The following RPS6KA2 variants were observed in gnomAD, a reference collection of about 807,000 sequenced individuals.
RPS6KA2 encodes the protein ribosomal protein S6 kinase alpha-2.
A neutral mutation model predicts 91.8 loss-of-function variants in RPS6KA2; 42 were observed. That is an observed-to-expected ratio of 0.46 (90% confidence interval 0.36 to 0.59). RPS6KA2 has a LOEUF of 0.59. RPS6KA2 is among the 20% of genes least tolerant of loss of function. The probability of loss-of-function intolerance (pLI) is 0.00; values close to 1 mark genes in which losing one functional copy is unlikely to be tolerated. For missense variants in RPS6KA2, 798 were observed against 978.5 expected (o/e 0.82, Z 2.46); for synonymous variants, 414 against 393.6 (o/e 1.05, Z -0.61).
intron 1 of RPS6KA2, chr6:166,586,432 C>T: frequency 6.3e-7 from 1 of 1,599,968 alleles, no homozygotes; most frequent in African/African-American, 1.6e-5. Flanking sequence ...AATCTACTAG[C>T]AAACATCTCT....
Position 166,641,719 on chromosome 6 carries a change from C to CAAAAAA in RPS6KA2, c.124-102941_124-102936dup, listed in dbSNP as rs71032871. On this transcript the variant is annotated intron_variant, in intron 2 of 21. Coordinates refer to the RPS6KA2 transcript ENST00000503859. ...TGGGTAAAAGAGTGAGACTCTGTCA[C>CAAAAAA]AAAAAAAAAAAAAAAAAAAAAAAAA... 1.3e-3 allele frequency among the ~76,000 whole-genome samples: 37 copies of CAAAAAA among 28,534 alleles called. 6 individuals carry two copies. Among genetic ancestry groups the CAAAAAA allele is most frequent in the Non-Finnish European group, 1.5e-3 (20 of 12,974 alleles). 18.7% of individuals were successfully genotyped at this position (28,534 alleles called of 152,430 possible).
Position 166,433,974 on chromosome 6 carries a change from G to T in RPS6KA2, c.1333-1484C>A, listed in dbSNP as rs1049718726. Among the ~76,000 whole-genome samples the T allele has an allele frequency of 2.0e-5, 3 of 151,782 alleles. No homozygotes were observed. The highest frequency in any genetic ancestry group is 6.6e-5 in the Admixed American group (1 of 15,236). Reference sequence around the variant, plus strand: ...GGGGTCTTGCTGTGTTGCCCAGGCTGGTCTCTAACTCCTGGCTTCAAGTGA... The same window carrying T: ...GGGGTCTTGCTGTGTTGCCCAGGCTTGTCTCTAACTCCTGGCTTCAAGTGA... On this transcript the variant is annotated intron_variant, in intron 14 of 20. Coordinates refer to ENST00000265678, the MANE Select transcript of RPS6KA2 (RefSeq NM_021135.6). The surrounding 1 kb of genome is among the most constrained non-coding windows in gnomAD (Gnocchi z 4.4).
rs1448857054 is a variant in RPS6KA2 at position 166,639,513 on chromosome 6, G to A, written c.124-100729C>T. ...AGCGAATCTGGTTCAGTTACCCCAG[G>A]GCATGCATAGCTCCAGAGCTTGGAA... is the stretch of plus-strand genomic sequence containing the variant. On this transcript the variant is annotated intron_variant, in intron 2 of 21. Coordinates refer to the RPS6KA2 transcript ENST00000503859. This position sits in a 1 kb window ranked among gnomAD's most constrained non-coding sequence, Gnocchi z 4.2. Among the ~76,000 whole-genome samples, 1 of 152,102 alleles carries A rather than the reference G, an allele frequency of 6.6e-6. No homozygotes were observed. The highest frequency in any genetic ancestry group is 1.9e-4 in the East Asian group (1 of 5,190).
chr6:166,759,463 T>A (rs1330932665), intron 2 of RPS6KA2, among the ~76,000 whole-genome samples: 1 of 152,236 alleles, frequency 6.6e-6, no homozygotes, highest in Non-Finnish European at 1.5e-5. Context: ...CTTTTGCTAC[T>A]TTTGCTGGCC....
chr6:166,597,294 A>G (rs3799594), intron 1 of RPS6KA2, among the ~76,000 whole-genome samples: 12,022 of 152,256 alleles, frequency 0.079, 661 homozygotes, highest in East Asian at 0.26. Context: ...CCCGAGGACG[A>G]ATGGGACTCA....
At chr6:166,551,994 CTTAA>C (rs1784035779) in intron 1 of RPS6KA2, among the ~76,000 whole-genome samples, 2 of 152,180 alleles carry the variant, frequency 1.3e-5, no homozygotes, top group Non-Finnish European at 2.9e-5. Flanking sequence ...TCCGACACAG[CTTAA>C]TTCTATCAGC....
intron 11 of RPS6KA2, among the ~76,000 whole-genome samples, chr6:166,465,156 T>G (rs551854361): frequency 5.3e-5 from 8 of 152,328 alleles, no homozygotes; most frequent in African/African-American, 1.9e-4. Context: ...AAATGTCTTC[T>G]CATTCGTCAT....
At chr6:166,522,420 G>C (rs1400400187) in intron 3 of RPS6KA2, among the ~76,000 whole-genome samples, 3 of 152,178 alleles carry the variant, frequency 2.0e-5, no homozygotes, top group Non-Finnish European at 4.4e-5. Flanking sequence ...ACACCTCTGT[G>C]GGGGGCTGAG....
At chr6:166,425,335 A>G (rs1289362795) in intron 16 of RPS6KA2, among the ~76,000 whole-genome samples, 1 of 152,204 alleles carries the variant, frequency 6.6e-6, no homozygotes, top group Non-Finnish European at 1.5e-5. Flanking sequence ...GGTACCAGCC[A>G]CTGCAAAATA....
In RPS6KA2 at chr6:166,446,706, T is replaced by A. The variant is rs2281058; in HGVS notation, c.1332+2018A>T. Among the ~76,000 whole-genome samples the A allele has an allele frequency of 1.4e-3, 209 of 152,204 alleles. 2 individuals are homozygous for A. The highest frequency in any genetic ancestry group is 4.7e-3 in the African/African-American group (196 of 41,478). On this transcript the variant is annotated intron_variant, in intron 14 of 20. Coordinates refer to ENST00000265678, the MANE Select transcript of RPS6KA2 (RefSeq NM_021135.6). The stretch of plus-strand genomic sequence containing the variant: ...ATCGCCTCGTCACTGGGGGATTTAC[T>A]TGCAGAGGCACAAAATGGGGGCTGA...
intron 2 of RPS6KA2, among the ~76,000 whole-genome samples, chr6:166,761,416 A>G (rs1390615054): frequency 6.6e-6 from 1 of 152,220 alleles, no homozygotes; most frequent in South Asian, 2.1e-4. Context: ...TACATTTTTA[A>G]AGACATTATT....
At chr6:166,487,091 T>G (rs1351202457) in intron 10 of RPS6KA2, among the ~76,000 whole-genome samples, 1 of 152,218 alleles carries the variant, frequency 6.6e-6, no homozygotes, top group Non-Finnish European at 1.5e-5. Flanking sequence ...AAACACCGTT[T>G]ATTTGTACCC....
At chr6:166,804,485 C>G (rs967722265) in intron 2 of RPS6KA2, among the ~76,000 whole-genome samples, 1 of 151,100 alleles carries the variant, frequency 6.6e-6, no homozygotes, top group Non-Finnish European at 1.5e-5. Flanking sequence ...ACTAGACTAA[C>G]AAGACATATG....
rs1379748194 is a variant in RPS6KA2, at chr6:166,639,701, G to A, written c.124-100917C>T. On this transcript the variant is annotated intron_variant, in intron 2 of 21. Coordinates refer to the RPS6KA2 transcript ENST00000503859. This position sits in a 1 kb window ranked among gnomAD's most constrained non-coding sequence, Gnocchi z 4.2. ...GTGACATCATTCACGCAGTGGCCAC[G>A]GCTGTCCTTCCTGCCCGCTCTGCCT... 1.3e-5 allele frequency among the ~76,000 whole-genome samples: 2 copies of A among 151,986 alleles called. No homozygotes were observed. The highest frequency in any genetic ancestry group is 1.3e-4 in the Admixed American group (2 of 15,262).
intron 1 of RPS6KA2, among the ~76,000 whole-genome samples, chr6:166,581,432 G>T (rs551764875): frequency 6.6e-6 from 1 of 151,996 alleles, no homozygotes; most frequent in South Asian, 2.1e-4. Flanking sequence ...GGGAACTGAC[G>T]CCCCGCTCAG....
chr6:166,606,355 A>G (rs562654622), intron 1 of RPS6KA2, among the ~76,000 whole-genome samples: 77 of 152,382 alleles, frequency 5.1e-4, no homozygotes, highest in African/African-American at 1.8e-3. Flanking sequence ...CAAGAAAAGC[A>G]AAAGCAAAAA....
intron 2 of RPS6KA2, among the ~76,000 whole-genome samples, chr6:166,657,523 C>T (rs1019922632): frequency 2.0e-5 from 3 of 152,236 alleles, no homozygotes; most frequent in Non-Finnish European, 2.9e-5. Context: ...ACTAACGACA[C>T]GGAACCCTTG....
intron 2 of RPS6KA2, among the ~76,000 whole-genome samples, chr6:166,642,257 G>C (rs946983613): frequency 6.6e-6 from 1 of 152,140 alleles, no homozygotes; most frequent in African/African-American, 2.4e-5. Context: ...TATATGCGAT[G>C]TGCTAAGAGA....
Position 166,698,529 on chromosome 6 carries a change from G to T in RPS6KA2, c.123+159671C>A, listed in dbSNP as rs573553295. 1.2e-4 allele frequency among the ~76,000 whole-genome samples: 19 copies of T among 152,336 alleles called. No homozygotes were observed. The East Asian group carries it at 3.7e-3, about 29-fold the overall frequency. ...AGGTTGGGTACCATGCATTTTTATA[G>T]TAACCATCTGCCCAGTGTGTGTCTT... is the stretch of plus-strand genomic sequence containing the variant. On this transcript the variant is annotated intron_variant, in intron 2 of 21. Transcript: ENST00000503859.
Sources: gnomAD v4.1 joint callset for allele counts (sites outside exome capture counted in the v4.1 genomes callset) on GRCh38, gnomAD v4.1.1 for gene constraint, Gnocchi (gnomAD v3.1) non-coding constraint, MANE v1.5 for transcripts, NCBI Gene and HGNC (gene_info 2026-07-23, HGNC 2026-07-21) for gene names.